The following RPS6KC1 variants were observed in gnomAD, a reference collection of about 807,000 sequenced individuals.
RPS6KC1 encodes ribosomal protein S6 kinase C1.
A neutral mutation model predicts 103.8 loss-of-function variants in RPS6KC1; 54 were observed. The observed-to-expected ratio is 0.52, with a 90% CI of 0.42 to 0.65. The LOEUF is 0.65. RPS6KC1 is among the 30% of genes least tolerant of loss of function. The probability of loss-of-function intolerance (pLI) is 0.00; values close to 1 mark genes in which losing one functional copy is unlikely to be tolerated. For synonymous variants in RPS6KC1, 439 were observed against 438.7 expected (o/e 1.00, Z -0.01); for missense variants, 1,151 against 1,253.8 (o/e 0.92, Z 1.24).
intron 8 of RPS6KC1, among the ~76,000 whole-genome samples, chr1:213,195,861 A>G (rs1226168701): frequency 6.7e-6 from 1 of 149,828 alleles, no homozygotes; most frequent in African/African-American, 2.5e-5. Flanking sequence ...TATATACCAT[A>G]TTTTCTTTAT....
At chr1:213,167,594 TTA>T (rs2091101052) in intron 6 of RPS6KC1, among the ~76,000 whole-genome samples, 1 of 152,190 alleles carries the variant, frequency 6.6e-6, no homozygotes, top group African/African-American at 2.4e-5. Flanking sequence ...TAGACATTTC[TTA>T]TATATTTGAC....
At chr1:213,708,351 T>G in the RPS6KC1 span, among the ~76,000 whole-genome samples, 1 of 152,198 alleles carries the variant, frequency 6.6e-6, no homozygotes, top group Non-Finnish European at 1.5e-5. Context: ...CTATTATTGG[T>G]GTATAGAAAT....
chr1:213,653,878 G>T, the RPS6KC1 span, among the ~76,000 whole-genome samples: 2 of 152,116 alleles, frequency 1.3e-5, no homozygotes, highest in African/African-American at 4.8e-5. Flanking sequence ...AAGGTGATAG[G>T]GCCTTAGAAC....
At chr1:213,466,963 T>A in the RPS6KC1 span, among the ~76,000 whole-genome samples, 1 of 152,078 alleles carries the variant, frequency 6.6e-6, no homozygotes, top group Non-Finnish European at 1.5e-5. Flanking sequence ...ATAAGAGCCT[T>A]AAGGAGGCCT....
the RPS6KC1 span, chr1:213,839,892 C>T: frequency 6.6e-6 from 1 of 152,122 alleles, no homozygotes; most frequent in Admixed American, 6.6e-5. Context: ...GTTCCTGGAC[C>T]ATCGTCAGTG....
At chr1:213,466,410 C>A in the RPS6KC1 span, among the ~76,000 whole-genome samples, 1 of 152,158 alleles carries the variant, frequency 6.6e-6, no homozygotes, top group Non-Finnish European at 1.5e-5. Flanking sequence ...TAAAAGCAAA[C>A]ACCAGGATCA....
At chr1:213,739,460 G>T in the RPS6KC1 span, among the ~76,000 whole-genome samples, 1 of 151,986 alleles carries the variant, frequency 6.6e-6, no homozygotes, top group Non-Finnish European at 1.5e-5. Context: ...CGTTGTTCAA[G>T]GGTCAACTGT....
At chr1:213,243,116 C>T (rs2094392577) in intron 12 of RPS6KC1, among the ~76,000 whole-genome samples, 1 of 152,008 alleles carries the variant, frequency 6.6e-6, no homozygotes, top group East Asian at 1.9e-4. Flanking sequence ...GTTGCCTCAG[C>T]TTCTGAGTAG....
At chr1:213,135,853 T>G (rs1053702903) in intron 6 of RPS6KC1, among the ~76,000 whole-genome samples, 1 of 152,182 alleles carries the variant, frequency 6.6e-6, no homozygotes, top group Non-Finnish European at 1.5e-5. Flanking sequence ...ACTTACAGAT[T>G]CTCTGTTCTC....
intron 6 of RPS6KC1, among the ~76,000 whole-genome samples, chr1:213,146,517 G>A (rs1185867847): frequency 6.6e-6 from 1 of 151,616 alleles, no homozygotes; most frequent in Non-Finnish European, 1.5e-5. Context: ...CCACCTCCTG[G>A]GTTCAAACAG....
At chr1:213,056,360 G>T (rs1391723711) in intron 1 of RPS6KC1, among the ~76,000 whole-genome samples, 1 of 152,182 alleles carries the variant, frequency 6.6e-6, no homozygotes, top group Non-Finnish European at 1.5e-5. Context: ...AGGTAGACTG[G>T]TCCCAATCAC....
intron 6 of RPS6KC1, among the ~76,000 whole-genome samples, chr1:213,166,534 A>G (rs2090978523): frequency 6.6e-6 from 1 of 152,230 alleles, no homozygotes; most frequent in Non-Finnish European, 1.5e-5. Context: ...GCAGAAGTAC[A>G]CTGACATTTT....
chr1:213,818,115 C>T, the RPS6KC1 span: 1 of 152,194 alleles, frequency 6.6e-6, no homozygotes, highest in Non-Finnish European at 1.5e-5. Context: ...CTCTCTCTCT[C>T]TGGGCCTCCC....
At chr1:213,351,568 T>G in the RPS6KC1 span, among the ~76,000 whole-genome samples, 1 of 152,152 alleles carries the variant, frequency 6.6e-6, no homozygotes, top group Admixed American at 6.6e-5. Flanking sequence ...CATTATGAAG[T>G]AGTATCATCA....
chr1:213,779,986 G>A, the RPS6KC1 span, among the ~76,000 whole-genome samples: 1 of 152,110 alleles, frequency 6.6e-6, no homozygotes, highest in South Asian at 2.1e-4. Context: ...CAAAGGAATG[G>A]GGGTGTAAGG....
chr1:213,086,847 TATATAG>T (rs2080445357), intron 3 of RPS6KC1, among the ~76,000 whole-genome samples: 1 of 152,164 alleles, frequency 6.6e-6, no homozygotes, highest in South Asian at 2.1e-4. Context: ...GCACGTGTAT[TATATAG>T]ATATACATAT....
At chr1:213,219,611 A>G (rs1264943089) in intron 8 of RPS6KC1, among the ~76,000 whole-genome samples, 2 of 152,314 alleles carry the variant, frequency 1.3e-5, no homozygotes, top group East Asian at 1.9e-4. Flanking sequence ...AACCAACCCA[A>G]ATGTCCAACA....
chr1:213,262,490 G>A (rs2094820275), intron 13 of RPS6KC1, among the ~76,000 whole-genome samples: 1 of 152,048 alleles, frequency 6.6e-6, no homozygotes, highest in East Asian at 1.9e-4. Flanking sequence ...TAAGGACGAC[G>A]GGACAGTAGC....
At chr1:213,226,380 A>G (rs73093623) in intron 8 of RPS6KC1, among the ~76,000 whole-genome samples, 5,349 of 152,244 alleles carry the variant, frequency 0.035, 280 homozygotes, top group African/African-American at 0.12. Flanking sequence ...TGATATGTTG[A>G]TTTAACTCTT....
Sources: gnomAD v4.1 joint callset for allele counts (sites outside exome capture counted in the v4.1 genomes callset) on GRCh38, gnomAD v4.1.1 for gene constraint, MANE v1.5 for transcripts, NCBI Gene and HGNC (gene_info 2026-07-23, HGNC 2026-07-21) for gene names.